Variants in PTH2R observed in about 807,000 individuals in gnomAD.
PTH2R encodes the protein parathyroid hormone 2 receptor.
Under a neutral mutation model 60.3 loss-of-function variants are expected in PTH2R, and 59 were observed. The ratio of observed to expected loss-of-function variants is 0.98; its 90% CI spans 0.79 to 1.22. The LOEUF (loss-of-function observed/expected upper bound fraction) is 1.22. PTH2R is among the 50% of genes most tolerant of loss of function. The probability of loss-of-function intolerance (pLI) is 0.00; values close to 1 mark genes in which losing one functional copy is unlikely to be tolerated. For synonymous variants in PTH2R, 256 were observed against 243.8 expected (o/e 1.05, Z -0.47); for missense variants, 749 against 682.6 (o/e 1.10, Z -1.08).
intron 1 of PTH2R, among the ~76,000 whole-genome samples, chr2:208,412,770 T>A: frequency 6.6e-6 from 1 of 152,216 alleles, no homozygotes; most frequent in East Asian, 1.9e-4. Flanking sequence ...TTTCAGGTTA[T>A]CAACAGAGCT....
chr2:208,398,238 T>C (rs943128686), intron 1 of PTH2R, among the ~76,000 whole-genome samples: 2 of 152,348 alleles, frequency 1.3e-5, no homozygotes, highest in East Asian at 1.9e-4. Flanking sequence ...TATATCCTCA[T>C]TATAATTAGT....
chr2:208,381,373 C>T (rs1363571749), intron 1 of PTH2R, among the ~76,000 whole-genome samples: 1 of 151,822 alleles, frequency 6.6e-6, no homozygotes, highest in African/African-American at 2.4e-5. Context: ...AATATGTAAC[C>T]TCTTTCATTA....
chr2:208,493,230 A>G, intron 12 of PTH2R, 34 bp from the exon 13 acceptor site: 1 of 1,458,324 alleles, frequency 6.9e-7, no homozygotes, highest in Admixed American at 2.5e-5. Context: ...CTCCTTTAGG[A>G]TTTCTCATGC....
intron 8 of PTH2R, among the ~76,000 whole-genome samples, chr2:208,459,347 C>T (rs557206131): frequency 1.8e-4 from 27 of 152,232 alleles, no homozygotes; most frequent in African/African-American, 6.5e-4. Flanking sequence ...TTACAGGATA[C>T]TAATCAATTA....
At chr2:208,467,384 T>C (rs1213200494) in intron 9 of PTH2R, among the ~76,000 whole-genome samples, 1 of 152,178 alleles carries the variant, frequency 6.6e-6, no homozygotes, top group Non-Finnish European at 1.5e-5. Context: ...AAAAACACTT[T>C]TAGTATTAAG....
chr2:208,442,846 G>A (rs988443823), intron 5 of PTH2R, among the ~76,000 whole-genome samples: 1 of 152,016 alleles, frequency 6.6e-6, no homozygotes, highest in African/African-American at 2.4e-5. Context: ...TTTTGTTATG[G>A]TTTATTTTTT....
At chr2:208,442,620 G>A (rs957712958) in intron 5 of PTH2R, among the ~76,000 whole-genome samples, 159 bp downstream of exon 5, 3 of 152,126 alleles carry the variant, frequency 2.0e-5, no homozygotes, top group Non-Finnish European at 2.9e-5. Flanking sequence ...AATTTTTCAT[G>A]ACAAATTCAG....
chr2:208,435,012 C>T (rs1702046827), intron 2 of PTH2R, among the ~76,000 whole-genome samples: 1 of 152,168 alleles, frequency 6.6e-6, no homozygotes, highest in African/African-American at 2.4e-5. Flanking sequence ...TTTGGAAAGA[C>T]ATTTTCTTTT....
At chr2:208,447,090 T>A (rs1387434250) in intron 7 of PTH2R, among the ~76,000 whole-genome samples, 1 of 152,154 alleles carries the variant, frequency 6.6e-6, no homozygotes, top group Non-Finnish European at 1.5e-5. Context: ...GGAGTTACAC[T>A]TATATTGATT....
chr2:208,409,446 G>C (rs1254675034), intron 1 of PTH2R, among the ~76,000 whole-genome samples: 1 of 152,160 alleles, frequency 6.6e-6, no homozygotes, highest in East Asian at 1.9e-4. Flanking sequence ...ATTAGCTTAA[G>C]TATGAGAGAC....
chr2:208,454,716 G>T (rs1702476110), intron 8 of PTH2R, among the ~76,000 whole-genome samples: 1 of 152,206 alleles, frequency 6.6e-6, no homozygotes, highest in South Asian at 2.1e-4. Flanking sequence ...TATATATGCA[G>T]TAATGCCAAG....
At position 208,399,374 on chromosome 2, in the gene PTH2R, C is replaced by T. The variant is rs373043515; in HGVS notation, c.-258-28827C>T. Among the ~76,000 whole-genome samples the T allele has an allele frequency of 8.1e-4, 123 of 152,220 alleles. 1 individual carries two copies. In the South Asian group the frequency reaches 0.023, roughly 28 times the overall value. ...TTCTGGGAGATGAGCTCTAAGTCCT[C>T]GGCATAATCTGCTGGATAAGAGTGG... is the stretch of plus-strand genomic sequence containing the variant. On this transcript the variant is annotated intron_variant, in intron 1 of 12. Transcript: ENST00000617735.
At chr2:208,382,573 G>A (rs529719035) in intron 1 of PTH2R, among the ~76,000 whole-genome samples, 65 of 152,236 alleles carry the variant, frequency 4.3e-4, no homozygotes, top group Middle Eastern at 3.4e-3. Flanking sequence ...GAAAATGTGC[G>A]TCAGAAAGTT....
At chr2:208,438,702 C>G (rs1032596406) in intron 4 of PTH2R, among the ~76,000 whole-genome samples, 3 of 152,058 alleles carry the variant, frequency 2.0e-5, no homozygotes, top group Non-Finnish European at 2.9e-5. Flanking sequence ...TATGAAAACC[C>G]TGAGAATAGT....
At chr2:208,431,042 C>G (rs1701961302) in intron 2 of PTH2R, among the ~76,000 whole-genome samples, 1 of 152,142 alleles carries the variant, frequency 6.6e-6, no homozygotes, top group Non-Finnish European at 1.5e-5. Context: ...TCATCTCCTT[C>G]TGGAACTTTA....
rs781408998 is a variant in PTH2R, at chr2:208,493,674, C to T, written c.*15C>T. Reference sequence around the variant, plus strand: ...ATGTTCTCTGAATGGACATTTGTGGCTGACTTTCATGGGCTGGTCCAATGG... The same window carrying T: ...ATGTTCTCTGAATGGACATTTGTGGTTGACTTTCATGGGCTGGTCCAATGG... On this transcript the variant is annotated 3_prime_UTR_variant, in exon 13 of 13. Coordinates refer to ENST00000272847, the MANE Select transcript of PTH2R (RefSeq NM_005048.4). 28 of 1,531,302 alleles carry T rather than the reference C, an allele frequency of 1.8e-5. No homozygotes were observed. The highest frequency in any genetic ancestry group is 2.4e-5 in the Non-Finnish European group (27 of 1,135,394). 94.9% of individuals were successfully genotyped at this position (1,531,302 alleles called of 1,614,324 possible).
intron 9 of PTH2R, among the ~76,000 whole-genome samples, chr2:208,463,147 C>T (rs1209115350): frequency 6.6e-6 from 1 of 152,170 alleles, no homozygotes; most frequent in African/African-American, 2.4e-5. Context: ...ACATTTTCCT[C>T]ATTTCCATGA....
At chr2:208,381,618 T>A (rs532033628) in intron 1 of PTH2R, among the ~76,000 whole-genome samples, 1 of 152,192 alleles carries the variant, frequency 6.6e-6, no homozygotes, top group Admixed American at 6.5e-5. Flanking sequence ...TTGCACTTAC[T>A]AATTACACTT....
In PTH2R at chr2:208,362,450, A is replaced by G. The variant is rs959494668; in HGVS notation, c.-259+2213A>G. Among the ~76,000 whole-genome samples the G allele has an allele frequency of 5.3e-5, 8 of 152,288 alleles. No homozygotes were observed. In the East Asian group the frequency reaches 1.5e-3, roughly 29 times the overall value. On this transcript the variant is annotated intron_variant, in intron 1 of 12. Transcript: ENST00000617735. ...TATATGTAGATGTCTCATATATGGTATCTATGTATCTGTATCATCTCTATA... is the reference window on the plus strand; with the variant it reads ...TATATGTAGATGTCTCATATATGGTGTCTATGTATCTGTATCATCTCTATA...
Sources: gnomAD v4.1 joint callset for allele counts (sites outside exome capture counted in the v4.1 genomes callset) on GRCh38, gnomAD v4.1.1 for gene constraint, MANE v1.5 for transcripts, NCBI Gene and HGNC (gene_info 2026-07-23, HGNC 2026-07-21) for gene names.